Variants in FAM13C observed in about 807,000 individuals in gnomAD.
FAM13C encodes the protein family with sequence similarity 13 member C.
In FAM13C, 37 loss-of-function variants were observed where a neutral mutation model predicts 73.2. The ratio of observed to expected loss-of-function variants is 0.51; its 90% CI spans 0.39 to 0.67. FAM13C has a LOEUF of 0.67. FAM13C is among the 30% of genes least tolerant of loss of function. The pLI is 0.00. For synonymous variants in FAM13C, 246 were observed against 260.9 expected, an observed-to-expected ratio of 0.94 and a Z score of 0.55; for missense variants, 589 against 715.6, an observed-to-expected ratio of 0.82 and a Z score of 2.02.
In FAM13C at chr10:59,283,425, C is replaced by T; in HGVS notation, c.530G>A (p.Gly177Glu). 1 of 1,614,206 alleles carries T rather than the reference C, an allele frequency of 6.2e-7. No homozygotes were observed. Reference protein sequence around the residue: ...LNEEEAAQVHGVKDPAPASTQ... With the variant: ...LNEEEAAQVHEVKDPAPASTQ... ...TGATGCTGGCGCCGGGTCCTTGACT[C>T]CATGCACCTGAGCAGCTTCTTCCTG... Residue 177 changes from glycine (G) to glutamate (E), a missense_variant, in exon 6 of 14, where the codon GGA becomes GAA. Physicochemically the swap from Gly to Glu is moderately conservative, Grantham distance 98. Transcript: ENST00000618804.
At chr10:59,262,408 C>T (rs1228454329) in intron 10 of FAM13C, 26 bp downstream of exon 10, 1 of 1,604,072 alleles carries the variant, frequency 6.2e-7, no homozygotes, top group Admixed American at 1.7e-5. Context: ...CAGGGGCCCT[C>T]TATATAACAA....
Position 59,251,624 on chromosome 10 carries a change from G to A in FAM13C, c.1585C>T (p.Arg529Trp), listed in dbSNP as rs780604966. 25 of 1,612,712 alleles carry A rather than the reference G, an allele frequency of 1.6e-5. No homozygotes were observed. The highest frequency in any genetic ancestry group is 4.0e-5 in the African/African-American group (3 of 74,714). Residue 529 changes from arginine (R) to tryptophan (W), a missense_variant, in exon 13 of 14, where the codon CGG becomes TGG. Physicochemically the swap from Arg to Trp is moderately radical, Grantham distance 101. Transcript: ENST00000618804. Reference sequence around the variant, plus strand: ...TCTTCAAATTCTCTTAAGGCTTTCCGCAGTCTCTTCTTGTCAGCCCTAGTT... The same window carrying A: ...TCTTCAAATTCTCTTAAGGCTTTCCACAGTCTCTTCTTGTCAGCCCTAGTT... ...RETRADKKRLRKALREFEEQF... is the reference protein window; with the variant it reads ...RETRADKKRLWKALREFEEQF...
At chr10:59,342,135 T>C (rs963645546) in intron 3 of FAM13C, among the ~76,000 whole-genome samples, 8 of 152,196 alleles carry the variant, frequency 5.3e-5, no homozygotes, top group African/African-American at 1.9e-4. Context: ...TGGCAAGCAG[T>C]ATCCTATGGG....
chr10:59,261,505 G>T, intron 10 of FAM13C, among the ~76,000 whole-genome samples: 1 of 152,234 alleles, frequency 6.6e-6, no homozygotes, highest in African/African-American at 2.4e-5. Context: ...ATGCTAGTTT[G>T]TTCATTCATC....
intron 5 of FAM13C, among the ~76,000 whole-genome samples, chr10:59,294,715 G>A (rs1275504695): frequency 1.3e-5 from 2 of 152,168 alleles, no homozygotes; most frequent in East Asian, 1.9e-4. Flanking sequence ...TATTCACACC[G>A]TGAACATGTT....
At chr10:59,309,138 G>T (rs117754791) in intron 4 of FAM13C, among the ~76,000 whole-genome samples, 3 of 152,060 alleles carry the variant, frequency 2.0e-5, no homozygotes, top group Admixed American at 2.0e-4. Flanking sequence ...GCTATCTAAC[G>T]CTTTTCTTTC....
chr10:59,270,194 T>G (rs1843553398), intron 6 of FAM13C, 85 bp from the exon 7 acceptor site: 13 of 1,314,390 alleles, frequency 9.9e-6, no homozygotes, highest in Non-Finnish European at 1.4e-5. Flanking sequence ...TCATAAGCAT[T>G]CATTATAATG....
chr10:59,333,315 C>T (rs1056206789), intron 3 of FAM13C, among the ~76,000 whole-genome samples: 6 of 151,936 alleles, frequency 3.9e-5, no homozygotes, highest in South Asian at 2.1e-4. Flanking sequence ...GGTGAAACCC[C>T]GTCTCTACTA....
chr10:59,356,995 A>G (rs1855791117), intron 1 of FAM13C, among the ~76,000 whole-genome samples: 2 of 151,866 alleles, frequency 1.3e-5, no homozygotes, highest in Non-Finnish European at 2.9e-5. Flanking sequence ...CAGCTTTTGG[A>G]CTCTCGGACT....
intron 2 of FAM13C, among the ~76,000 whole-genome samples, chr10:59,353,522 G>A (rs1184691880): frequency 6.6e-6 from 1 of 152,098 alleles, no homozygotes; most frequent in African/African-American, 2.4e-5. Context: ...CATTTGCAAA[G>A]TCACCTGGAA....
intron 4 of FAM13C, among the ~76,000 whole-genome samples, chr10:59,308,727 T>G (rs553137023): frequency 6.6e-6 from 1 of 152,236 alleles, no homozygotes; most frequent in Non-Finnish European, 1.5e-5. Context: ...AGCTTTTCCC[T>G]GGATTCAAAC....
rs756746040 is a variant in FAM13C at position 59,283,437 on chromosome 10, G to A, written c.518C>T (p.Ala173Val). The A allele has an allele frequency of 8.1e-6, 13 of 1,614,084 alleles. No individual in the cohort carries two copies. In the Admixed American group the frequency reaches 2.2e-4, roughly 27 times the overall value. ...TRQDLNEEEA[A>V]QVHGVKDPAP... ...CGGGTCCTTGACTCCATGCACCTGA[G>A]CAGCTTCTTCCTGGTTTGTTAAAAA... The change falls in exon 6 of 14, where the codon GCT becomes GTT. Residue 173 changes from alanine to valine, a missense_variant. By Grantham distance (64) the Ala-to-Val change is moderately conservative (BLOSUM62 0). Transcript: ENST00000618804.
intron 6 of FAM13C, among the ~76,000 whole-genome samples, chr10:59,272,117 G>A (rs1843784003): frequency 6.6e-6 from 1 of 152,146 alleles, no homozygotes; most frequent in African/African-American, 2.4e-5. Context: ...TTAAAAAACT[G>A]CATTGCAACA....
chr10:59,304,048 T>G (rs955670364), intron 4 of FAM13C, among the ~76,000 whole-genome samples: 1 of 152,146 alleles, frequency 6.6e-6, no homozygotes, highest in Non-Finnish European at 1.5e-5. Flanking sequence ...CTTGGGAGGC[T>G]GAGGCACGAG....
chr10:59,272,194 GC>G (rs1843792693), intron 6 of FAM13C, among the ~76,000 whole-genome samples: 1 of 152,136 alleles, frequency 6.6e-6, no homozygotes, highest in Non-Finnish European at 1.5e-5. Flanking sequence ...TTACCATGTG[GC>G]CCAATTAACA....
intron 1 of FAM13C, among the ~76,000 whole-genome samples, chr10:59,361,605 CAT>C (rs113659300): frequency 0.1 from 15,788 of 151,342 alleles, 1,232 homozygotes; most frequent in African/African-American, 0.22. Flanking sequence ...AGTACATATT[CAT>C]ATATATATAT....
At chr10:59,354,351 T>C (rs978520923) in intron 2 of FAM13C, among the ~76,000 whole-genome samples, 7 of 152,180 alleles carry the variant, frequency 4.6e-5, no homozygotes, top group African/African-American at 1.4e-4. Flanking sequence ...TTTAGAAACA[T>C]ATTTTCTCAC....
intron 8 of FAM13C, 144 bp from the exon 9 acceptor site, chr10:59,264,310 T>G: frequency 9.6e-5 from 54 of 563,064 alleles, no homozygotes; most frequent in Middle Eastern, 4.0e-4. Context: ...GGGAGAGAAA[T>G]TCGGGTGTGA....
intron 4 of FAM13C, among the ~76,000 whole-genome samples, chr10:59,313,265 C>T (rs1849150478): frequency 6.6e-6 from 1 of 152,174 alleles, no homozygotes; most frequent in African/African-American, 2.4e-5. Flanking sequence ...TTAAGCTAAG[C>T]AATAGCCTTC....
Sources: allele counts gnomAD v4.1 joint callset (sites outside exome capture counted in the v4.1 genomes callset), GRCh38; gene constraint gnomAD v4.1.1; transcripts MANE v1.5; gene names NCBI Gene and HGNC (gene_info 2026-07-23, HGNC 2026-07-21).